The following CTH variants were observed in gnomAD, a reference collection of about 807,000 sequenced individuals.
CTH encodes the protein cystathionase (cystathionine gamma-lyase).
A neutral mutation model predicts 50.6 loss-of-function variants in CTH; 41 were observed. The observed-to-expected ratio is 0.81, with a 90% CI of 0.63 to 1.05. The LOEUF (loss-of-function observed/expected upper bound fraction) is 1.05. Ranked by LOEUF, CTH falls within the 50% of genes least tolerant of loss-of-function variation. The pLI, the probability that CTH is intolerant of heterozygous loss-of-function variation, is 0.00. For missense variants in CTH, 470 were observed against 492.6 expected, an observed-to-expected ratio of 0.95 and a Z score of 0.43; for synonymous variants, 156 against 168.9, an observed-to-expected ratio of 0.92 and a Z score of 0.59.
chr1:70,426,107 C>G (rs902201141), intron 5 of CTH, among the ~76,000 whole-genome samples: 2 of 152,182 alleles, frequency 1.3e-5, no homozygotes, highest in African/African-American at 4.8e-5. Context: ...GACCACCCCT[C>G]CCATACATCT....
intron 5 of CTH, among the ~76,000 whole-genome samples, chr1:70,425,564 A>C (rs1390347209): frequency 6.6e-6 from 1 of 152,222 alleles, no homozygotes; most frequent in African/African-American, 2.4e-5. Context: ...ATTTATAAAG[A>C]AAGAGGTTTA....
At position 70,414,359 on chromosome 1, in the gene CTH, C is replaced by T. The variant is rs117676116; in HGVS notation, c.169-1597C>T. 1.5e-4 allele frequency among the ~76,000 whole-genome samples: 23 copies of T among 151,864 alleles called. 1 individual carries two copies. The East Asian group carries it at 4.3e-3, about 29-fold the overall frequency. ...AAACCCCATCTCTACTAAAAAAGTA[C>T]AAAAATTAGCTGTGTGTGGTGGCGT... is the stretch of plus-strand genomic sequence containing the variant. On this transcript the variant is annotated intron_variant, in intron 1 of 11. Coordinates refer to ENST00000370938, the MANE Select transcript of CTH (RefSeq NM_001902.6).
chr1:70,425,517 C>G (rs1684328400), intron 5 of CTH, among the ~76,000 whole-genome samples: 1 of 152,178 alleles, frequency 6.6e-6, no homozygotes, highest in African/African-American at 2.4e-5. Flanking sequence ...TTAGTCCATT[C>G]TCACACTGCT....
chr1:70,422,099 T>C (rs1042515734), intron 4 of CTH, among the ~76,000 whole-genome samples: 13 of 152,200 alleles, frequency 8.5e-5, no homozygotes, highest in Admixed American at 8.5e-4. Flanking sequence ...TTTAACTGCA[T>C]AGCCAAAAGA....
In CTH at chr1:70,439,191, G is replaced by T; in HGVS notation, c.*64G>T. 1 of 1,496,190 alleles carries T rather than the reference G, an allele frequency of 6.7e-7. No individual in the cohort carries two copies. Among genetic ancestry groups the T allele is most frequent in the African/African-American group, 1.4e-5 (1 of 72,686 alleles). The allele number at this position is 1,496,190 out of a possible 1,614,324, so 92.7% of individuals were successfully genotyped here. A position where few individuals can be genotyped will look rare whatever the true frequency, so the allele number is the denominator to read the frequency against. On this transcript the variant is annotated 3_prime_UTR_variant, in exon 12 of 12. Transcript: ENST00000370938. ...ATCAAATCTTCCTGAGTAATTAAAT[G>T]GACCAACAATGAGCCTTTGCAAAAT...
chr1:70,416,471 C>T (rs1684093297), intron 2 of CTH, among the ~76,000 whole-genome samples: 9 of 152,020 alleles, frequency 5.9e-5, no homozygotes, highest in Admixed American at 5.9e-4. Context: ...CTGCTCATTG[C>T]AACCTCCTCC....
rs1198378244 is a variant in CTH at position 70,433,857 on chromosome 1, G to T, written c.907G>T (p.Val303Leu). 6.2e-7 allele frequency: 1 copy of T among 1,614,054 alleles called. No individual in the cohort carries two copies. Reference protein sequence around the residue: ...GLPSHPQHELVKRQCTGCTGM... With the variant: ...GLPSHPQHELLKRQCTGCTGM... The stretch of plus-strand genomic sequence containing the variant: ...GCCCTCTCATCCACAGCATGAGTTG[G>T]TGAAGCGTCAGTGTACAGGTTGTAC... The change falls in exon 9 of 12, where the codon GTG becomes TTG. Residue 303 changes from valine to leucine, a missense_variant. Val to Leu is a conservative substitution (Grantham distance 32). Coordinates refer to ENST00000370938, the MANE Select transcript of CTH (RefSeq NM_001902.6).
intron 2 of CTH, among the ~76,000 whole-genome samples, chr1:70,417,218 T>C (rs527272202): frequency 3.3e-5 from 5 of 152,186 alleles, no homozygotes; most frequent in African/African-American, 1.2e-4. Context: ...ATTTACTGAA[T>C]TGCATATTCA....
rs1289404051 is a variant in CTH, at chr1:70,422,757, G to A, written c.456+1082G>A. Among the ~76,000 whole-genome samples, 6 of 151,958 alleles carry A rather than the reference G, an allele frequency of 3.9e-5. No homozygotes were observed. In the East Asian group the frequency reaches 7.8e-4, roughly 20 times the overall value. Reference sequence around the variant, plus strand: ...CTACCGAGTAGCTGGGATTACAGGCGCCCATCACCATGCTCAGCTAATTTT... The same window carrying A: ...CTACCGAGTAGCTGGGATTACAGGCACCCATCACCATGCTCAGCTAATTTT... On this transcript the variant is annotated intron_variant, in intron 4 of 11. Coordinates refer to ENST00000370938, the MANE Select transcript of CTH (RefSeq NM_001902.6).
chr1:70,433,686 G>C, intron 8 of CTH, 142 bp from the exon 9 acceptor site: 1 of 1,315,572 alleles, frequency 7.6e-7, no homozygotes, highest in Non-Finnish European at 1.1e-6. Context: ...AGGGGCCCAA[G>C]CAAGTAGTCA....
chr1:70,427,311 G>A (rs1210937986), intron 5 of CTH, among the ~76,000 whole-genome samples: 1 of 152,058 alleles, frequency 6.6e-6, no homozygotes, highest in East Asian at 1.9e-4. Context: ...TTTAATCTGA[G>A]GGATCTATCT....
intron 6 of CTH, 142 bp from the exon 7 acceptor site, chr1:70,430,175 G>C: frequency 3.1e-6 from 2 of 652,024 alleles, no homozygotes; most frequent in Non-Finnish European, 5.4e-6. Context: ...TTGAATAAAG[G>C]TTACTTAAAC....
intron 4 of CTH, among the ~76,000 whole-genome samples, chr1:70,422,880 G>A (rs1156683973): frequency 6.6e-6 from 1 of 152,058 alleles, no homozygotes. Flanking sequence ...AAAGTGCTGC[G>A]ATTACAGGCA....
chr1:70,433,521 C>G (rs1684526499), intron 8 of CTH, among the ~76,000 whole-genome samples: 2 of 152,122 alleles, frequency 1.3e-5, no homozygotes, highest in Non-Finnish European at 2.9e-5. Context: ...AAGACAGATA[C>G]TAAGCAAGAA....
At chr1:70,415,917 T>C (rs1466427988) in intron 1 of CTH, 39 bp from the exon 2 acceptor site, 1 of 1,113,604 alleles carries the variant, frequency 9.0e-7, no homozygotes, top group East Asian at 2.3e-5. Flanking sequence ...GATAATAAAC[T>C]GAAATCTCTT....
chr1:70,428,812 C>T (rs1265784647), intron 5 of CTH, among the ~76,000 whole-genome samples: 1 of 152,002 alleles, frequency 6.6e-6, no homozygotes. Flanking sequence ...AGGGTTTCAC[C>T]ATGTTGGCCA....
chr1:70,430,739 C>T (rs1684454067), intron 7 of CTH, among the ~76,000 whole-genome samples: 1 of 151,674 alleles, frequency 6.6e-6, no homozygotes, highest in Non-Finnish European at 1.5e-5. Flanking sequence ...GACGGGGTTT[C>T]ACCGTGTTGA....
chr1:70,427,192 G>T (rs1181143418), intron 5 of CTH, among the ~76,000 whole-genome samples: 1 of 152,020 alleles, frequency 6.6e-6, no homozygotes, highest in African/African-American at 2.4e-5. Context: ...TTGTCCTCTG[G>T]ATCTTCTGTA....
chr1:70,438,539 TTC>T (rs1482016688), intron 10 of CTH, 147 bp from the exon 11 acceptor site: 3 of 776,670 alleles, frequency 3.9e-6, no homozygotes, highest in Non-Finnish European at 6.5e-6. Flanking sequence ...TTTCGTAATT[TTC>T]TCTTTTTTTG....
Sources: gnomAD v4.1 joint callset for allele counts (sites outside exome capture counted in the v4.1 genomes callset) on GRCh38, gnomAD v4.1.1 for gene constraint, MANE v1.5 for transcripts, NCBI Gene and HGNC (gene_info 2026-07-23, HGNC 2026-07-21) for gene names.